Variants in GRAMD1B observed in about 807,000 individuals in gnomAD.
The protein encoded by GRAMD1B is GRAM domain containing 1B, also known as protein Aster-B.
Under a neutral mutation model 99.7 loss-of-function variants are expected in GRAMD1B, and 37 were observed. That is an observed-to-expected ratio of 0.37 (90% CI 0.29 to 0.49). GRAMD1B has a LOEUF of 0.49. GRAMD1B is among the 20% of genes least tolerant of loss of function. The pLI, the probability that GRAMD1B is intolerant of heterozygous loss-of-function variation, is 0.98. For synonymous variants in GRAMD1B, 427 were observed against 387.6 expected, an observed-to-expected ratio of 1.10 and a Z score of -1.19; for missense variants, 888 against 1,009.2, an observed-to-expected ratio of 0.88 and a Z score of 1.63.
intron 2 of GRAMD1B, among the ~76,000 whole-genome samples, chr11:123,524,704 G>A (rs1942526084): frequency 6.6e-6 from 1 of 152,266 alleles, no homozygotes; most frequent in Non-Finnish European, 1.5e-5. Flanking sequence ...CATACGACAC[G>A]AGGATGTCTG....
intron 4 of GRAMD1B, among the ~76,000 whole-genome samples, chr11:123,592,067 A>C (rs1042275431): frequency 6.6e-6 from 1 of 152,126 alleles, no homozygotes; most frequent in Non-Finnish European, 1.5e-5. Flanking sequence ...AGAAATAGGA[A>C]GACTTGGGGC....
intron 1 of GRAMD1B, among the ~76,000 whole-genome samples, chr11:123,378,938 T>A (rs1946780410): frequency 6.6e-6 from 1 of 152,232 alleles, no homozygotes; most frequent in African/African-American, 2.4e-5. Context: ...AGTCTTCTCT[T>A]GTTATTCTTT....
chr11:123,469,879 G>A (rs1950922707), intron 1 of GRAMD1B, among the ~76,000 whole-genome samples: 1 of 151,208 alleles, frequency 6.6e-6, no homozygotes, highest in African/African-American at 2.4e-5. Flanking sequence ...TGTTGGGGAT[G>A]TATTTATTTA....
intron 1 of GRAMD1B, among the ~76,000 whole-genome samples, chr11:123,368,221 T>A (rs1318052860): frequency 7.6e-6 from 1 of 131,812 alleles, no homozygotes; most frequent in African/African-American, 3.0e-5. Flanking sequence ...ACCATTGCAC[T>A]CCTGCCTGGG....
chr11:123,511,769 G>A (rs2135305316), intron 2 of GRAMD1B, among the ~76,000 whole-genome samples: 1 of 152,298 alleles, frequency 6.6e-6, no homozygotes, highest in Non-Finnish European at 1.5e-5. Flanking sequence ...GGCCCAAGCG[G>A]CAAGTCTGCT....
At chr11:123,481,959 T>C (rs1951633080) in intron 2 of GRAMD1B, among the ~76,000 whole-genome samples, 1 of 152,154 alleles carries the variant, frequency 6.6e-6, no homozygotes, top group East Asian at 1.9e-4. Flanking sequence ...CAACTTATGG[T>C]GGACCCTCTG....
chr11:123,436,644 C>T (rs896639239), intron 1 of GRAMD1B, among the ~76,000 whole-genome samples: 24 of 152,120 alleles, frequency 1.6e-4, no homozygotes, highest in Admixed American at 1.0e-3. Context: ...TCTGCTGTTC[C>T]GTGTAGTGGG....
chr11:123,540,139 C>T (rs963744927), intron 2 of GRAMD1B, among the ~76,000 whole-genome samples: 2 of 151,552 alleles, frequency 1.3e-5, no homozygotes, highest in African/African-American at 4.8e-5. Flanking sequence ...GACCACAGCT[C>T]ACTGTACCCT....
In GRAMD1B at chr11:123,492,837, C is replaced by G; in HGVS notation, c.452+11944C>G. ...GTAGGTGGCTTAACCTCAATCCTCT[C>G]TCTCTCTCTGTCTCTCTCTTTCACA... On this transcript the variant is annotated intron_variant, in intron 2 of 19. Transcript: ENST00000635736. The surrounding 1 kb of genome is among the most constrained non-coding windows in gnomAD (Gnocchi z 4.2). Among the ~76,000 whole-genome samples, 1 of 148,910 alleles carries G rather than the reference C, an allele frequency of 6.7e-6. No individual in the cohort carries two copies. The highest frequency in any genetic ancestry group is 2.5e-5 in the African/African-American group (1 of 39,696).
At chr11:123,506,215 C>T (rs1940408684) in intron 2 of GRAMD1B, among the ~76,000 whole-genome samples, 1 of 152,152 alleles carries the variant, frequency 6.6e-6, no homozygotes, top group Non-Finnish European at 1.5e-5. Context: ...CAGCCTCACT[C>T]AGTTTCCTTG....
At chr11:123,576,146 G>T (rs937021040) in intron 2 of GRAMD1B, among the ~76,000 whole-genome samples, 5 of 152,182 alleles carry the variant, frequency 3.3e-5, no homozygotes, top group African/African-American at 1.2e-4. Flanking sequence ...AAGGGGCATG[G>T]TTTTCATTGC....
At chr11:123,577,278 G>A in intron 2 of GRAMD1B, 89 bp from the exon 3 acceptor site, 1 of 1,117,922 alleles carries the variant, frequency 8.9e-7, no homozygotes, top group Non-Finnish European at 1.3e-6. Context: ...TGGCTCCTTT[G>A]GGCTTGTCCT....
chr11:123,453,749 C>T (rs1252715734), intron 1 of GRAMD1B, among the ~76,000 whole-genome samples: 2 of 152,068 alleles, frequency 1.3e-5, no homozygotes, highest in Non-Finnish European at 2.9e-5. Flanking sequence ...TGTTTTAATA[C>T]CAGCAATTGG....
At chr11:123,524,154 C>T (rs1942459099) in intron 2 of GRAMD1B, among the ~76,000 whole-genome samples, 1 of 151,986 alleles carries the variant, frequency 6.6e-6, no homozygotes, top group African/African-American at 2.4e-5. Context: ...GCTTATAGTA[C>T]CCTACAATCC....
intron 2 of GRAMD1B, among the ~76,000 whole-genome samples, chr11:123,502,774 C>CAAAAAAAA (rs34321315): frequency 3.0e-5 from 3 of 98,488 alleles, no homozygotes; most frequent in Non-Finnish European, 2.0e-5. Context: ...GACTCCATCT[C>CAAAAAAAA]AAAAAAAAAA....
intron 1 of GRAMD1B, among the ~76,000 whole-genome samples, chr11:123,453,732 T>C (rs1485854357): frequency 6.6e-6 from 1 of 152,226 alleles, no homozygotes; most frequent in East Asian, 1.9e-4. Flanking sequence ...CTGTTGCATA[T>C]GATACTTGTT....
At chr11:123,616,392 G>A (rs975943079) in intron 17 of GRAMD1B, among the ~76,000 whole-genome samples, 1 of 152,230 alleles carries the variant, frequency 6.6e-6, no homozygotes, top group African/African-American at 2.4e-5. Flanking sequence ...TCGATTTAAT[G>A]TGATTCATGC....
chr11:123,542,440 T>C (rs1332245141), intron 2 of GRAMD1B, among the ~76,000 whole-genome samples: 2 of 152,294 alleles, frequency 1.3e-5, no homozygotes, highest in East Asian at 3.9e-4. Context: ...TCACAGGCCA[T>C]GCATAATGTA....
At chr11:123,566,898 C>T (rs1419476291) in intron 2 of GRAMD1B, among the ~76,000 whole-genome samples, 1 of 152,200 alleles carries the variant, frequency 6.6e-6, no homozygotes, top group African/African-American at 2.4e-5. Flanking sequence ...CCCCAGCCCC[C>T]ATGGAGTGCT....
Sources: allele counts gnomAD v4.1 joint callset (sites outside exome capture counted in the v4.1 genomes callset), GRCh38; gene constraint gnomAD v4.1.1; non-coding constraint Gnocchi (gnomAD v3.1); transcripts MANE v1.5; gene names NCBI Gene and HGNC (gene_info 2026-07-23, HGNC 2026-07-21).